Variants in FLT3 observed in about 807,000 individuals in gnomAD.
FLT3 encodes the protein receptor-type tyrosine-protein kinase FLT3.
A neutral mutation model predicts 126.6 loss-of-function variants in FLT3; 46 were observed. That is an observed-to-expected ratio of 0.36 (90% CI 0.29 to 0.46). The LOEUF (loss-of-function observed/expected upper bound fraction) is 0.46, where lower values mean the gene tolerates loss of function less well. Among genes scored for constraint, FLT3 ranks in the 20% least tolerant of loss-of-function variants. FLT3 has a pLI of 1.00. For synonymous variants in FLT3, 404 were observed against 434.4 expected, an observed-to-expected ratio of 0.93 and a Z score of 0.87; for missense variants, 1,069 against 1,190.3, an observed-to-expected ratio of 0.90 and a Z score of 1.50.
intron 1 of FLT3, chr13:28,073,309 T>C (rs904955194): frequency 2.2e-5 from 7 of 319,038 alleles, no homozygotes; most frequent in Admixed American, 1.3e-4. Flanking sequence ...GATTGCACCA[T>C]TGCACTCCAG....
In FLT3 at chr13:28,003,519, T is replaced by C; in HGVS notation, c.*533A>G. ...AAGCACACGTGCTCTGGAAGGAATGTGTAGGTGGCTATGGGTGCACAATTT... is the reference window on the plus strand; with the variant it reads ...AAGCACACGTGCTCTGGAAGGAATGCGTAGGTGGCTATGGGTGCACAATTT... On this transcript the variant is annotated 3_prime_UTR_variant, in exon 24 of 24. Transcript: ENST00000241453. 1 of 237,056 alleles carries C rather than the reference T, an allele frequency of 4.2e-6. No homozygotes were observed. Among genetic ancestry groups the C allele is most frequent in the East Asian group, 6.0e-5 (1 of 16,790 alleles). The allele number at this position is 237,056 out of a possible 1,614,324, so 14.7% of individuals were successfully genotyped here.
chr13:28,043,792 G>A (rs1874597613), intron 9 of FLT3, among the ~76,000 whole-genome samples: 1 of 151,980 alleles, frequency 6.6e-6, no homozygotes, highest in Admixed American at 6.6e-5. Flanking sequence ...TCCAACCTGG[G>A]CAATATAGCA....
In FLT3 at chr13:28,052,391, C is replaced by T. The variant is rs1055159918; in HGVS notation, c.614+154G>A. The stretch of plus-strand genomic sequence containing the variant: ...GATTACAGGCGTGAGCCACTTCACC[C>T]GGCCCTATACTGGCCATTTTTTAAC... On this transcript the variant is annotated intron_variant, in intron 5 of 23. Coordinates refer to ENST00000241453, the MANE Select transcript of FLT3 (RefSeq NM_004119.3). Among the ~76,000 whole-genome samples, 23 of 152,298 alleles carry T rather than the reference C, an allele frequency of 1.5e-4. No individual in the cohort carries two copies. The East Asian group carries it at 1.7e-3, about 12-fold the overall frequency.
intron 1 of FLT3, among the ~76,000 whole-genome samples, chr13:28,082,503 T>C (rs1057063129): frequency 1.6e-4 from 23 of 147,204 alleles, no homozygotes; most frequent in African/African-American, 5.5e-4. Context: ...CCAGGAGGAA[T>C]TTTTTTTTTT....
intron 15 of FLT3, among the ~76,000 whole-genome samples, chr13:28,032,723 G>T (rs1873456935): frequency 6.6e-6 from 1 of 152,178 alleles, no homozygotes; most frequent in African/African-American, 2.4e-5. Context: ...GCCCACAAAG[G>T]ACTGAGAAGG....
intron 10 of FLT3, 49 bp downstream of exon 10, chr13:28,037,136 A>T (rs758295657): frequency 3.6e-6 from 4 of 1,126,524 alleles, no homozygotes; most frequent in Non-Finnish European, 1.3e-6. Flanking sequence ...ACTAATAAAA[A>T]ATTAAGGAAT....
intron 1 of FLT3, among the ~76,000 whole-genome samples, chr13:28,085,213 G>A (rs188664020): frequency 1.3e-5 from 2 of 151,266 alleles, no homozygotes; most frequent in East Asian, 1.9e-4. Flanking sequence ...GCCTGGTGGC[G>A]CACGCCTATA....
intron 1 of FLT3, among the ~76,000 whole-genome samples, chr13:28,084,799 C>G (rs2137815226): frequency 6.6e-6 from 1 of 151,872 alleles, no homozygotes. Context: ...CACGGTGAAA[C>G]CCCGTCTATA....
At chr13:28,051,773 C>A (rs1039492223) in intron 5 of FLT3, among the ~76,000 whole-genome samples, 1 of 151,634 alleles carries the variant, frequency 6.6e-6, no homozygotes, top group Non-Finnish European at 1.5e-5. Flanking sequence ...ATCTCGATCT[C>A]CTGACCTCGT....
At chr13:28,080,914 A>C (rs573776711) in intron 1 of FLT3, among the ~76,000 whole-genome samples, 1 of 152,160 alleles carries the variant, frequency 6.6e-6, no homozygotes, top group Non-Finnish European at 1.5e-5. Flanking sequence ...TTACCTTTAC[A>C]CCTTTATCAA....
chr13:28,055,988 G>A (rs1485755168), intron 4 of FLT3, among the ~76,000 whole-genome samples: 1 of 152,286 alleles, frequency 6.6e-6, no homozygotes, highest in Non-Finnish European at 1.5e-5. Flanking sequence ...ATCATTTTCA[G>A]AGTAATTAAA....
chr13:28,052,404 G>C (rs538552811), intron 5 of FLT3, 141 bp downstream of exon 5: 1 of 795,048 alleles, frequency 1.3e-6, no homozygotes, highest in African/African-American at 1.7e-5. Flanking sequence ...CCCTATACTG[G>C]CCATTTTTTA....
Position 28,049,428 on chromosome 13 carries a change from G to A in FLT3, c.992C>T (p.Ser331Phe), listed in dbSNP as rs752394054. 3.7e-6 allele frequency: 6 copies of A among 1,613,950 alleles called. No homozygotes were observed. The highest frequency in any genetic ancestry group is 1.3e-5 in the African/African-American group (1 of 74,928). The change falls in exon 8 of 24, where the codon TCC becomes TTC. Residue 331 changes from serine to phenylalanine, a missense_variant. By Grantham distance (155) the Ser-to-Phe change is radical (BLOSUM62 -2). Coordinates refer to ENST00000241453, the MANE Select transcript of FLT3 (RefSeq NM_004119.3). ...TGATTGACTGGGATGCTTTGAAGAG[G>A]AACAAGTGTAGTATCCGGTGTCGTT... ...ARNDTGYYTC[S>F]SSKHPSQSAL... is the part of the protein sequence containing the mutation.
chr13:28,092,844 A>AT (rs1879204276), intron 1 of FLT3, among the ~76,000 whole-genome samples: 1 of 151,176 alleles, frequency 6.6e-6, no homozygotes. Flanking sequence ...AAAAAAAAAA[A>AT]GCATGCTCAC....
intron 4 of FLT3, among the ~76,000 whole-genome samples, chr13:28,054,264 C>T (rs968532681): frequency 3.3e-5 from 5 of 152,060 alleles, no homozygotes; most frequent in African/African-American, 7.2e-5. Flanking sequence ...TTCAGCAATC[C>T]AGCAAGTATA....
chr13:28,013,902 C>A (rs548270769), intron 23 of FLT3, among the ~76,000 whole-genome samples: 1 of 152,266 alleles, frequency 6.6e-6, no homozygotes, highest in South Asian at 2.1e-4. Context: ...GCACTGAACT[C>A]TTAAGAGCTT....
intron 1 of FLT3, among the ~76,000 whole-genome samples, chr13:28,078,610 G>C (rs542815233): frequency 6.6e-6 from 1 of 152,288 alleles, no homozygotes; most frequent in East Asian, 1.9e-4. Flanking sequence ...ACATGGCCTG[G>C]AGACATTTTC....
At chr13:28,010,291 A>G (rs1871246840) in intron 23 of FLT3, among the ~76,000 whole-genome samples, 1 of 152,222 alleles carries the variant, frequency 6.6e-6, no homozygotes, top group South Asian at 2.1e-4. Flanking sequence ...AAAGATGAAC[A>G]GGAAACAGTA....
intron 2 of FLT3, chr13:28,067,968 T>G (rs1877179662): frequency 3.2e-6 from 1 of 313,736 alleles, no homozygotes; most frequent in South Asian, 3.5e-5. Flanking sequence ...TCAACTCCAG[T>G]AACTTCAGTT....
Sources: gnomAD v4.1 joint callset for allele counts (sites outside exome capture counted in the v4.1 genomes callset) on GRCh38, gnomAD v4.1.1 for gene constraint, MANE v1.5 for transcripts, NCBI Gene and HGNC (gene_info 2026-07-23, HGNC 2026-07-21) for gene names.